Variants in MET observed in about 807,000 individuals in gnomAD.
MET encodes hepatocyte growth factor receptor.
MET carries 48 observed loss-of-function variants against 133.1 expected under a neutral mutation model. That is an observed-to-expected ratio of 0.36 (90% CI 0.29 to 0.46). The LOEUF is 0.46. Among genes scored for constraint, MET ranks in the 20% least tolerant of loss-of-function variants. The pLI is 1.00. For missense variants in MET, 1,442 were observed against 1,695.9 expected, an observed-to-expected ratio of 0.85 and a Z score of 2.63; for synonymous variants, 628 against 616.5, an observed-to-expected ratio of 1.02 and a Z score of -0.28.
intron 16 of MET, 39 bp from the exon 17 acceptor site, chr7:116,778,737 C>G (rs761863145): frequency 6.2e-7 from 1 of 1,603,064 alleles, no homozygotes; most frequent in African/African-American, 1.3e-5. Context: ...ATTCACTGTT[C>G]CATAATGAAG....
At chr7:116,682,922 C>A (rs1382199100) in intron 1 of MET, among the ~76,000 whole-genome samples, 1 of 152,112 alleles carries the variant, frequency 6.6e-6, no homozygotes, top group Non-Finnish European at 1.5e-5. Flanking sequence ...CCATGTCACC[C>A]ATTATTACCT....
intron 1 of MET, among the ~76,000 whole-genome samples, chr7:116,673,740 T>A (rs1177509178): frequency 6.6e-6 from 1 of 152,258 alleles, no homozygotes; most frequent in African/African-American, 2.4e-5. Flanking sequence ...TACAGGGACA[T>A]AAATTGCATT....
intron 1 of MET, among the ~76,000 whole-genome samples, chr7:116,687,462 A>G (rs1192749887): frequency 1.3e-5 from 2 of 152,234 alleles, no homozygotes; most frequent in Admixed American, 6.5e-5. Context: ...TGATCTCAAC[A>G]TAATGCTATT....
chr7:116,795,367 A>G (rs1383389845), intron 19 of MET, among the ~76,000 whole-genome samples: 1 of 152,232 alleles, frequency 6.6e-6, no homozygotes, highest in African/African-American at 2.4e-5. Flanking sequence ...ACAGCGGGAG[A>G]GAATTTTGGA....
At chr7:116,701,385 T>C (rs1001378562) in intron 2 of MET, among the ~76,000 whole-genome samples, 1 of 152,186 alleles carries the variant, frequency 6.6e-6, no homozygotes, top group Non-Finnish European at 1.5e-5. Flanking sequence ...ATGTCCTCAG[T>C]AGCATAAAGT....
At chr7:116,764,375 GC>G (rs1346963309) in intron 11 of MET, among the ~76,000 whole-genome samples, 11 of 151,710 alleles carry the variant, frequency 7.3e-5, no homozygotes, top group African/African-American at 2.4e-4. Flanking sequence ...GGAGAAATAA[GC>G]TTTTATCACT....
intron 5 of MET, among the ~76,000 whole-genome samples, chr7:116,746,768 C>T (rs189240181): frequency 0.025 from 2,391 of 94,966 alleles, 20 homozygotes; most frequent in Non-Finnish European, 0.034. Context: ...TATCACACAC[C>T]GGGGCCTGTT....
intron 5 of MET, among the ~76,000 whole-genome samples, chr7:116,745,583 T>A (rs1793640883): frequency 6.6e-6 from 1 of 152,068 alleles, no homozygotes; most frequent in Admixed American, 6.6e-5. Flanking sequence ...AAAACAGAGA[T>A]ATAGATCAAT....
intron 2 of MET, among the ~76,000 whole-genome samples, chr7:116,708,251 C>T (rs1365199940): frequency 6.6e-6 from 1 of 152,136 alleles, no homozygotes; most frequent in Non-Finnish European, 1.5e-5. Context: ...TCACAAAAGG[C>T]TGTCCTGAGG....
At chr7:116,723,347 A>C (rs1175990734) in intron 2 of MET, among the ~76,000 whole-genome samples, 1 of 145,920 alleles carries the variant, frequency 6.9e-6, no homozygotes, top group Non-Finnish European at 1.5e-5. Flanking sequence ...TCCTTTAAGC[A>C]CTTCTCTGTA....
In MET at chr7:116,741,001, G is replaced by T. The variant is rs1290346524; in HGVS notation, c.1677G>T (p.Gln559His). The change falls in exon 5 of 21, where the codon CAG becomes CAT. Residue 559 changes from glutamine (Q) to histidine (H), a missense_variant. By Grantham distance (24) the Gln-to-His change is conservative (BLOSUM62 0). Coordinates refer to ENST00000397752, the MANE Select transcript of MET (RefSeq NM_000245.4). ...EECLSGTWTQ[Q>H]ICLPAIYKVF... ...GCCTGAGCGGGACATGGACTCAACA[G>T]ATCTGTCTGCCTGCAATCTACAAGG... 2.5e-6 allele frequency: 4 copies of T among 1,613,248 alleles called. No homozygotes were observed. The Admixed American group carries it at 6.7e-5, about 27-fold the overall frequency.
chr7:116,677,630 G>T (rs555753757), intron 1 of MET, among the ~76,000 whole-genome samples: 1 of 152,344 alleles, frequency 6.6e-6, no homozygotes, highest in Admixed American at 6.5e-5. Flanking sequence ...TTGGGCTCCT[G>T]ATGGTCCCAA....
chr7:116,713,024 T>A (rs115485522), intron 2 of MET, among the ~76,000 whole-genome samples: 94 of 152,198 alleles, frequency 6.2e-4, no homozygotes, highest in African/African-American at 2.2e-3. Flanking sequence ...GATACCCCCT[T>A]GAAACTTTCA....
At position 116,755,614 on chromosome 7, in the gene MET, G is replaced by T. The variant is rs1002015914; in HGVS notation, c.1862+99G>T. 3 of 1,467,302 alleles carry T rather than the reference G, an allele frequency of 2.0e-6. No individual in the cohort carries two copies. In the African/African-American group the frequency reaches 4.2e-5, roughly 21 times the overall value. 90.9% of individuals were successfully genotyped at this position (1,467,302 alleles called of 1,614,324 possible). ...AAATTGCTCAAGAAGCTCATCTCTT[G>T]AATTAAAAAGGGTCTTGGCCTGTCA... On this transcript the variant is annotated intron_variant, in intron 6 of 20. Coordinates refer to ENST00000397752, the MANE Select transcript of MET (RefSeq NM_000245.4).
chr7:116,785,196 A>G (rs1795274879), intron 19 of MET, among the ~76,000 whole-genome samples: 1 of 152,162 alleles, frequency 6.6e-6, no homozygotes, highest in Non-Finnish European at 1.5e-5. Context: ...GGCTGCTTTC[A>G]TCGGCTGGCA....
At chr7:116,754,885 GAGAAAGAGAGAAAGAAAGAA>G (rs1188683004) in intron 5 of MET, among the ~76,000 whole-genome samples, 3 of 97,668 alleles carry the variant, frequency 3.1e-5, no homozygotes, top group Non-Finnish European at 2.1e-5. Flanking sequence ...GAGAGAGAGA[GAGAAAGAGAGAAAGAAAGAA>G]AGAAAGAAAG....
At chr7:116,705,157 T>C (rs1382664164) in intron 2 of MET, among the ~76,000 whole-genome samples, 2 of 152,102 alleles carry the variant, frequency 1.3e-5, no homozygotes, top group Non-Finnish European at 2.9e-5. Context: ...GTTTCTTTAT[T>C]ATGATTATAA....
chr7:116,739,714 C>T (rs1793368866), intron 3 of MET, among the ~76,000 whole-genome samples: 2 of 152,190 alleles, frequency 1.3e-5, no homozygotes, highest in South Asian at 4.2e-4. Context: ...ATCTCTTTCC[C>T]TTGAAACCAT....
chr7:116,706,776 T>C (rs1374285814), intron 2 of MET, among the ~76,000 whole-genome samples: 4 of 152,064 alleles, frequency 2.6e-5, no homozygotes, highest in Non-Finnish European at 4.4e-5. Context: ...AGCCCAGATA[T>C]GTGCCCTAAG....
Sources: allele counts gnomAD v4.1 joint callset (sites outside exome capture counted in the v4.1 genomes callset), GRCh38; gene constraint gnomAD v4.1.1; transcripts MANE v1.5; gene names NCBI Gene and HGNC (gene_info 2026-07-23, HGNC 2026-07-21).